RALYL: variants seen among roughly 807,000 people sequenced by gnomAD.
RALYL encodes RALY RNA binding protein like.
A neutral mutation model predicts 35.1 loss-of-function variants in RALYL; 29 were observed. The ratio of observed to expected loss-of-function variants is 0.83; its 90% confidence interval spans 0.61 to 1.13. The LOEUF (loss-of-function observed/expected upper bound fraction) is 1.13, where lower values mean the gene tolerates loss of function less well. Among genes scored for constraint, RALYL ranks in the 50% most tolerant of loss-of-function variants. The pLI, the probability that RALYL is intolerant of heterozygous loss-of-function variation, is 0.00. For missense variants in RALYL, 359 were observed against 360.4 expected (o/e 1.00, Z 0.03); for synonymous variants, 120 against 127.6 (o/e 0.94, Z 0.40).
At chr8:84,429,231 T>G (rs1426485229) in intron 1 of RALYL, among the ~76,000 whole-genome samples, 1 of 152,178 alleles carries the variant, frequency 6.6e-6, no homozygotes, top group Non-Finnish European at 1.5e-5. Flanking sequence ...AATAGACTGC[T>G]TAAATCATTG....
intron 8 of RALYL, among the ~76,000 whole-genome samples, chr8:84,915,100 AATATAC>A (rs749209234): frequency 7.9e-5 from 12 of 152,056 alleles, no homozygotes; most frequent in Admixed American, 2.0e-4. Flanking sequence ...ACCAAATGAA[AATATAC>A]ATATAAACTG....
chr8:84,806,584 T>C (rs532676758), intron 4 of RALYL, among the ~76,000 whole-genome samples: 3 of 151,480 alleles, frequency 2.0e-5, no homozygotes, highest in East Asian at 1.9e-4. Flanking sequence ...AAAAAAATAC[T>C]GTATCGCTCA....
intron 4 of RALYL, 25 bp from the exon 5 acceptor site, chr8:84,849,955 C>T: frequency 7.4e-7 from 1 of 1,359,120 alleles, no homozygotes; most frequent in Non-Finnish European, 9.9e-7. Context: ...CAAATGCCAA[C>T]TAATTTTTTT....
intron 2 of RALYL, among the ~76,000 whole-genome samples, chr8:84,751,719 T>C (rs1239422495): frequency 6.6e-6 from 1 of 152,088 alleles, no homozygotes; most frequent in African/African-American, 2.4e-5. Context: ...ACAACCTTCC[T>C]CCTGCCTGGC....
chr8:84,745,064 AACACAC>A (rs140133347), intron 2 of RALYL, among the ~76,000 whole-genome samples: 1 of 149,206 alleles, frequency 6.7e-6, no homozygotes. Flanking sequence ...TCCCAAAACA[AACACAC>A]ACACACACAC....
intron 2 of RALYL, among the ~76,000 whole-genome samples, chr8:84,610,338 C>T (rs920980236): frequency 6.6e-6 from 1 of 151,882 alleles, no homozygotes; most frequent in South Asian, 2.1e-4. Context: ...TTGTAAGATT[C>T]TTTTCTGTTG....
intron 8 of RALYL, among the ~76,000 whole-genome samples, chr8:84,909,624 G>C (rs1037746812): frequency 2.6e-5 from 4 of 152,016 alleles, no homozygotes; most frequent in African/African-American, 9.7e-5. Flanking sequence ...CAAAGCACTG[G>C]GTTAGTTACA....
chr8:84,190,890 G>A (rs1439518058), intron 1 of RALYL, among the ~76,000 whole-genome samples: 1 of 151,638 alleles, frequency 6.6e-6, no homozygotes, highest in Admixed American at 6.6e-5. Flanking sequence ...TTGAGTGAAT[G>A]TAAAAGGGGC....
intron 2 of RALYL, among the ~76,000 whole-genome samples, chr8:84,547,154 C>T (rs2060416224): frequency 6.6e-6 from 1 of 151,942 alleles, no homozygotes; most frequent in Admixed American, 6.6e-5. Flanking sequence ...GTGTGATATT[C>T]CCCTCCCTGT....
chr8:84,873,306 C>T lies in RALYL; in HGVS notation c.594C>T (p.Thr198=). The T allele has an allele frequency of 6.3e-7, 1 of 1,591,170 alleles. No individual in the cohort carries two copies. Among genetic ancestry groups the T allele is most frequent in the Non-Finnish European group, 8.6e-7 (1 of 1,166,966 alleles). ...CAGTGAAATCAGATGAGTTACAGAC[C>T]ATCAAGAAAGAATTAACCCAGATCA... ...GSKLKSDELQ[T]IKKELTQIKT... is the part of the protein sequence containing the mutation. The change falls in exon 7 of 9, where the codon ACC becomes ACT. Residue 198 remains threonine (T), a synonymous_variant. Coordinates refer to ENST00000521268, the MANE Select transcript of RALYL (RefSeq NM_173848.7).
chr8:84,294,364 T>C (rs977601637), intron 1 of RALYL, among the ~76,000 whole-genome samples: 11 of 152,136 alleles, frequency 7.2e-5, no homozygotes, highest in African/African-American at 2.7e-4. Flanking sequence ...TTGAGGATGA[T>C]TTTTATACAT....
At chr8:84,717,681 T>C (rs16913165) in intron 2 of RALYL, among the ~76,000 whole-genome samples, 3,262 of 152,238 alleles carry the variant, frequency 0.021, 131 homozygotes, top group African/African-American at 0.074. Flanking sequence ...GATAATTTCA[T>C]TTTGGGTCCA....
chr8:84,230,750 T>C (rs1825146628), intron 1 of RALYL, among the ~76,000 whole-genome samples: 1 of 152,198 alleles, frequency 6.6e-6, no homozygotes, highest in Non-Finnish European at 1.5e-5. Flanking sequence ...TCTCTACATT[T>C]TCTCACTTAA....
chr8:84,668,422 G>T (rs1012163784), intron 2 of RALYL, among the ~76,000 whole-genome samples: 2 of 152,088 alleles, frequency 1.3e-5, no homozygotes, highest in African/African-American at 4.8e-5. Context: ...GGGAGTTGGG[G>T]CATTATTTAA....
chr8:84,849,163 T>C (rs1835281410), intron 4 of RALYL, among the ~76,000 whole-genome samples: 1 of 152,180 alleles, frequency 6.6e-6, no homozygotes, highest in Non-Finnish European at 1.5e-5. Context: ...AATATATTCT[T>C]TTAGGGAGCT....
intron 1 of RALYL, among the ~76,000 whole-genome samples, chr8:84,347,412 A>G (rs1365483241): frequency 6.6e-6 from 1 of 151,814 alleles, no homozygotes; most frequent in Non-Finnish European, 1.5e-5. Flanking sequence ...GACCTCAACT[A>G]TGTTTAGATT....
intron 1 of RALYL, among the ~76,000 whole-genome samples, chr8:84,512,372 G>T (rs2057698099): frequency 6.6e-6 from 1 of 151,844 alleles, no homozygotes; most frequent in Non-Finnish European, 1.5e-5. Flanking sequence ...TGTCTATTCA[G>T]ATCCTTTCCC....
chr8:84,415,170 T>TTTTA (rs1554654346), intron 1 of RALYL, among the ~76,000 whole-genome samples: 23 of 151,332 alleles, frequency 1.5e-4, no homozygotes, highest in African/African-American at 5.4e-4. Flanking sequence ...GTTTTTTTTT[T>TTTTA]TTTTTAATGG....
intron 1 of RALYL, among the ~76,000 whole-genome samples, chr8:84,318,696 G>A (rs1844241483): frequency 6.6e-6 from 1 of 152,076 alleles, no homozygotes; most frequent in Admixed American, 6.6e-5. Flanking sequence ...CTGTACAAGA[G>A]TCTCAAAAAT....
Sources: allele counts gnomAD v4.1 joint callset (sites outside exome capture counted in the v4.1 genomes callset), GRCh38; gene constraint gnomAD v4.1.1; transcripts MANE v1.5; gene names NCBI Gene and HGNC (gene_info 2026-07-23, HGNC 2026-07-21).